Variants in RUNX1 observed in about 807,000 individuals in gnomAD.
The protein encoded by RUNX1 is RUNX family transcription factor 1.
A neutral mutation model predicts 42.8 loss-of-function variants in RUNX1; 19 were observed. The ratio of observed to expected loss-of-function variants is 0.44; its 90% CI spans 0.31 to 0.65. The LOEUF (loss-of-function observed/expected upper bound fraction) is 0.65, where lower values mean the gene tolerates loss of function less well. Ranked by LOEUF, RUNX1 falls within the 30% of genes least tolerant of loss-of-function variation. The pLI, the probability that RUNX1 is intolerant of heterozygous loss-of-function variation, is 0.07. For missense variants in RUNX1, 528 were observed against 672.0 expected (o/e 0.79, Z 2.37); for synonymous variants, 271 against 289.4 (o/e 0.94, Z 0.64).
chr21:35,012,939 G>C (rs936640707), intron 2 of RUNX1, among the ~76,000 whole-genome samples: 5 of 152,126 alleles, frequency 3.3e-5, no homozygotes, highest in Non-Finnish European at 2.9e-5. Context: ...CAAGAAAGCA[G>C]CCATCGATAA....
At chr21:35,032,672 C>T (rs2059281194) in intron 2 of RUNX1, among the ~76,000 whole-genome samples, 1 of 152,222 alleles carries the variant, frequency 6.6e-6, no homozygotes, top group East Asian at 1.9e-4. Flanking sequence ...CAGCTTCCCA[C>T]AAGGGACACC....
At chr21:34,923,451 T>G (rs1351868047) in intron 2 of RUNX1, among the ~76,000 whole-genome samples, 1 of 152,168 alleles carries the variant, frequency 6.6e-6, no homozygotes, top group East Asian at 1.9e-4. Flanking sequence ...TGTGACGTCA[T>G]GAAAACTTGT....
At chr21:34,862,986 T>C (rs189472789) in intron 5 of RUNX1, among the ~76,000 whole-genome samples, 25 of 152,324 alleles carry the variant, frequency 1.6e-4, no homozygotes, top group Middle Eastern at 3.4e-3. Flanking sequence ...GCATTCATAA[T>C]ACTGGCATTT....
At chr21:34,951,535 A>C (rs891006615) in intron 2 of RUNX1, among the ~76,000 whole-genome samples, 3 of 152,238 alleles carry the variant, frequency 2.0e-5, no homozygotes, top group African/African-American at 4.8e-5. Flanking sequence ...ATTTACAAGA[A>C]AAAAACAAAC....
chr21:34,957,487 G>T (rs539225582), intron 2 of RUNX1, among the ~76,000 whole-genome samples: 1 of 152,210 alleles, frequency 6.6e-6, no homozygotes, highest in East Asian at 1.9e-4. Flanking sequence ...AGTACTCCTG[G>T]AATTCTGGGC....
At chr21:34,976,734 T>G (rs1387562096) in intron 2 of RUNX1, among the ~76,000 whole-genome samples, 1 of 152,204 alleles carries the variant, frequency 6.6e-6, no homozygotes, top group Non-Finnish European at 1.5e-5. Context: ...GAAGACAATA[T>G]TGCTAGAGCA....
chr21:34,840,384 C>CT (rs1402398200), intron 6 of RUNX1, among the ~76,000 whole-genome samples: 1 of 152,204 alleles, frequency 6.6e-6, no homozygotes, highest in East Asian at 1.9e-4. Context: ...ATCTGCTTTT[C>CT]TACCAACCTT....
chr21:34,937,096 T>C (rs1181826448), intron 2 of RUNX1, among the ~76,000 whole-genome samples: 1 of 152,160 alleles, frequency 6.6e-6, no homozygotes, highest in African/African-American at 2.4e-5. Context: ...CACGCAAGAT[T>C]ATGCACACAT....
intron 3 of RUNX1, among the ~76,000 whole-genome samples, chr21:34,890,215 A>G (rs2058064195): frequency 6.6e-6 from 1 of 151,632 alleles, no homozygotes; most frequent in Admixed American, 6.6e-5. Context: ...GCCAGGGGGC[A>G]GCAGCCGCCC....
intron 2 of RUNX1, among the ~76,000 whole-genome samples, chr21:35,002,783 G>T (rs34468007): frequency 0.23 from 34,651 of 152,016 alleles, 4,387 homozygotes; most frequent in African/African-American, 0.31. Context: ...AGGTCAGGAA[G>T]TTTTATGTTT....
chr21:34,955,413 G>A (rs144477538), intron 2 of RUNX1, among the ~76,000 whole-genome samples: 1 of 152,268 alleles, frequency 6.6e-6, no homozygotes, highest in African/African-American at 2.4e-5. Context: ...GCACACTGTG[G>A]TGTAGAATAA....
At chr21:34,845,687 C>A (rs990269976) in intron 6 of RUNX1, among the ~76,000 whole-genome samples, 6 of 152,112 alleles carry the variant, frequency 3.9e-5, no homozygotes, top group Non-Finnish European at 7.4e-5. Context: ...GAGGGGGACC[C>A]CGCCCCACTC....
intron 5 of RUNX1, among the ~76,000 whole-genome samples, chr21:34,863,895 T>C (rs1335616528): frequency 6.6e-6 from 1 of 152,200 alleles, no homozygotes; most frequent in African/African-American, 2.4e-5. Context: ...TGGCCAGTCA[T>C]GTGGTTCTCC....
chr21:34,846,436 G>A (rs2057317693), intron 6 of RUNX1, among the ~76,000 whole-genome samples: 1 of 151,576 alleles, frequency 6.6e-6, no homozygotes. Flanking sequence ...TCCTTCCTGA[G>A]GTTAGAAGAT....
At chr21:34,909,608 A>AAAAAAAAAAAAAG in intron 2 of RUNX1, among the ~76,000 whole-genome samples, 2 of 150,580 alleles carry the variant, frequency 1.3e-5, no homozygotes, top group South Asian at 4.2e-4. Context: ...AAAAAAAAAA[A>AAAAAAAAAAAAAG]GATGGTGTTC....
chr21:34,947,645 T>C (rs1052551940), intron 2 of RUNX1, among the ~76,000 whole-genome samples: 9 of 152,336 alleles, frequency 5.9e-5, no homozygotes, highest in East Asian at 5.8e-4. Flanking sequence ...GTGGTATAAA[T>C]AGTTTTCACA....
chr21:34,853,785 GTTCCTTCCC>G (rs553320079), intron 6 of RUNX1, among the ~76,000 whole-genome samples: 33 of 150,154 alleles, frequency 2.2e-4, no homozygotes, highest in South Asian at 8.5e-4. Flanking sequence ...TTACAGGTTG[GTTCCTTCCC>G]TTCCTTCCCT....
At chr21:34,948,744 T>C (rs898732844) in intron 2 of RUNX1, among the ~76,000 whole-genome samples, 29 of 152,234 alleles carry the variant, frequency 1.9e-4, no homozygotes, top group African/African-American at 6.5e-4. Flanking sequence ...ATTTCTTTCT[T>C]TTTTTTCCTT....
chr21:34,982,778 C>T (rs965957908), intron 2 of RUNX1, among the ~76,000 whole-genome samples: 1 of 152,178 alleles, frequency 6.6e-6, no homozygotes, highest in African/African-American at 2.4e-5. Context: ...CCATGTTGGT[C>T]AGGCTGGTCT....
Sources: gnomAD v4.1 joint callset for allele counts (sites outside exome capture counted in the v4.1 genomes callset) on GRCh38, gnomAD v4.1.1 for gene constraint, MANE v1.5 for transcripts, NCBI Gene and HGNC (gene_info 2026-07-23, HGNC 2026-07-21) for gene names.